DPP10: variants seen among roughly 807,000 people sequenced by gnomAD.
The protein encoded by DPP10 is dipeptidyl peptidase like 10.
Under a neutral mutation model 120.9 loss-of-function variants are expected in DPP10, and 33 were observed. The ratio of observed to expected loss-of-function variants is 0.27; its 90% CI spans 0.21 to 0.37. DPP10 has a LOEUF of 0.37. Among genes scored for constraint, DPP10 ranks in the 10% least tolerant of loss-of-function variants. DPP10 has a pLI of 1.00. For missense variants in DPP10, 816 were observed against 942.8 expected (o/e 0.87, Z 1.76); for synonymous variants, 337 against 326.1 (o/e 1.03, Z -0.36).
chr2:115,308,693 G>GTTTTTTTTTTTTTTTTTTTTTTT (rs3068805), intron 1 of DPP10, among the ~76,000 whole-genome samples: 1 of 126,642 alleles, frequency 7.9e-6, no homozygotes, highest in Non-Finnish European at 1.7e-5. Context: ...ACTAAATCCT[G>GTTTTTTTTTTTTTTTTTTTTTTT]TTTTTTTTTT....
intron 19 of DPP10, among the ~76,000 whole-genome samples, chr2:115,806,270 G>A (rs567312656): frequency 7.2e-5 from 11 of 152,186 alleles, no homozygotes; most frequent in African/African-American, 2.6e-4. Flanking sequence ...TTTTGTTGAG[G>A]TCAACTTTTA....
At chr2:115,394,980 A>C (rs2067575981) in intron 3 of DPP10, among the ~76,000 whole-genome samples, 1 of 152,224 alleles carries the variant, frequency 6.6e-6, no homozygotes, top group Non-Finnish European at 1.5e-5. Flanking sequence ...AGTTCTCCTA[A>C]TGCATACCTC....
intron 1 of DPP10, among the ~76,000 whole-genome samples, chr2:114,710,738 C>T (rs1381581123): frequency 6.6e-6 from 1 of 151,954 alleles, no homozygotes; most frequent in African/African-American, 2.4e-5. Flanking sequence ...GAGCAAGACT[C>T]CGTCTAAAAA....
intron 1 of DPP10, among the ~76,000 whole-genome samples, chr2:114,515,143 A>G (rs893951834): frequency 2.0e-5 from 3 of 152,148 alleles, no homozygotes; most frequent in Non-Finnish European, 4.4e-5. Flanking sequence ...CACCAAGACA[A>G]TTTCCAATTT....
intron 1 of DPP10, among the ~76,000 whole-genome samples, chr2:115,019,210 A>G (rs1702891504): frequency 6.6e-6 from 1 of 152,154 alleles, no homozygotes; most frequent in African/African-American, 2.4e-5. Context: ...TTTTTTTCAA[A>G]AAAGTCAGCA....
At chr2:115,453,398 T>G (rs780426946) in intron 3 of DPP10, among the ~76,000 whole-genome samples, 8 of 151,642 alleles carry the variant, frequency 5.3e-5, no homozygotes, top group Non-Finnish European at 1.0e-4. Context: ...TCTGAGATTT[T>G]GCAAAGTCTA....
chr2:115,594,608 A>G (rs1359534163), intron 5 of DPP10, among the ~76,000 whole-genome samples: 2 of 152,134 alleles, frequency 1.3e-5, no homozygotes, highest in African/African-American at 2.4e-5. Context: ...CTCTAGTCCA[A>G]TGGCACAATC....
chr2:114,542,604 C>T (rs922823830), intron 1 of DPP10, among the ~76,000 whole-genome samples: 2 of 152,166 alleles, frequency 1.3e-5, no homozygotes, highest in African/African-American at 2.4e-5. Context: ...GGCATCAAAT[C>T]GCCTTCAGTT....
intron 1 of DPP10, among the ~76,000 whole-genome samples, chr2:115,271,585 C>T (rs900054157): frequency 1.3e-5 from 2 of 152,124 alleles, no homozygotes; most frequent in Non-Finnish European, 2.9e-5. Flanking sequence ...TATCATTGCA[C>T]AGCCCAGATG....
intron 1 of DPP10, among the ~76,000 whole-genome samples, chr2:115,032,555 A>G (rs1703910457): frequency 1.3e-5 from 2 of 152,158 alleles, no homozygotes; most frequent in South Asian, 2.1e-4. Context: ...TATTTTAAAA[A>G]TAATAAAAGC....
At chr2:115,429,736 C>CTCT (rs374080929) in intron 3 of DPP10, among the ~76,000 whole-genome samples, 3 of 22,152 alleles carry the variant, frequency 1.4e-4, no homozygotes, top group Non-Finnish European at 5.4e-4. Context: ...ACATAAACTT[C>CTCT]TCAGAAGAGG....
At chr2:115,572,197 A>C (rs2081374102) in intron 5 of DPP10, among the ~76,000 whole-genome samples, 1 of 146,684 alleles carries the variant, frequency 6.8e-6, no homozygotes, top group African/African-American at 2.6e-5. Flanking sequence ...ACTTACCATA[A>C]CTTAAACACC....
intron 1 of DPP10, among the ~76,000 whole-genome samples, chr2:114,769,174 G>A (rs1177895437): frequency 6.6e-6 from 1 of 152,132 alleles, no homozygotes; most frequent in Admixed American, 6.6e-5. Context: ...ACCTGAAGAG[G>A]CACAGTGGTG....
At chr2:115,044,899 A>T (rs1704944787) in intron 1 of DPP10, among the ~76,000 whole-genome samples, 1 of 152,124 alleles carries the variant, frequency 6.6e-6, no homozygotes, top group Admixed American at 6.6e-5. Flanking sequence ...AGCTTATTTC[A>T]CTCAACACAA....
intron 1 of DPP10, among the ~76,000 whole-genome samples, chr2:114,851,092 T>C (rs1269053868): frequency 6.6e-6 from 1 of 152,140 alleles, no homozygotes; most frequent in Non-Finnish European, 1.5e-5. Flanking sequence ...TTTTTCCTCA[T>C]TTTTTTATTA....
chr2:115,371,398 T>C (rs1032412656), intron 3 of DPP10, among the ~76,000 whole-genome samples: 1 of 152,088 alleles, frequency 6.6e-6, no homozygotes. Flanking sequence ...AAACAACAAA[T>C]GTAGGCTTTT....
intron 7 of DPP10, among the ~76,000 whole-genome samples, chr2:115,706,505 T>C (rs899084397): frequency 2.6e-5 from 4 of 151,926 alleles, no homozygotes; most frequent in African/African-American, 9.7e-5. Context: ...ATGTATACTT[T>C]AGACAGTTCC....
At chr2:115,165,795 C>T (rs969421784) in intron 1 of DPP10, among the ~76,000 whole-genome samples, 4 of 152,046 alleles carry the variant, frequency 2.6e-5, no homozygotes, top group South Asian at 2.1e-4. Context: ...AAAAGCAAAA[C>T]AAAAATAACC....
intron 1 of DPP10, among the ~76,000 whole-genome samples, chr2:114,815,767 T>C (rs1255819601): frequency 6.6e-6 from 1 of 152,034 alleles, no homozygotes; most frequent in African/African-American, 2.4e-5. Flanking sequence ...AACTGTCAAT[T>C]GGGAGTCAAA....
Sources: allele counts gnomAD v4.1 joint callset (sites outside exome capture counted in the v4.1 genomes callset), GRCh38; gene constraint gnomAD v4.1.1; transcripts MANE v1.5; gene names NCBI Gene and HGNC (gene_info 2026-07-23, HGNC 2026-07-21).